Variants in SUCO observed in about 807,000 individuals in gnomAD.
SUCO encodes the protein SUN domain containing ossification factor.
A neutral mutation model predicts 148.1 loss-of-function variants in SUCO; 57 were observed. That is an observed-to-expected ratio of 0.38 (90% CI 0.31 to 0.48). The LOEUF (loss-of-function observed/expected upper bound fraction) is 0.48, where lower values mean the gene tolerates loss of function less well. Ranked by LOEUF, SUCO falls within the 20% of genes least tolerant of loss-of-function variation. The pLI is 0.96. For missense variants in SUCO, 1,331 were observed against 1,468.2 expected (o/e 0.91, Z 1.53); for synonymous variants, 470 against 502.7 (o/e 0.93, Z 0.87).
rs746694763 is a variant in SUCO at position 172,608,765 on chromosome 1, A to G, written c.3284A>G (p.Tyr1095Cys). 1.9e-6 allele frequency: 3 copies of G among 1,583,298 alleles called. No homozygotes were observed. Among genetic ancestry groups the G allele is most frequent in the South Asian group, 2.3e-5 (2 of 87,002 alleles). ...CTTACAGTAGACCCAAATGATTTGTACATTGTAGAACCCCTCAAGTTTTCT... is the reference window on the plus strand; with the variant it reads ...CTTACAGTAGACCCAAATGATTTGTGCATTGTAGAACCCCTCAAGTTTTCT... ...TGKEVDPNDL[Y>C]IVEPLKFSPE... Residue 1095 changes from tyrosine to cysteine, a missense_variant, in exon 23 of 24, where the codon TAC (tyrosine) becomes TGC (cysteine). Tyr to Cys is a radical substitution (Grantham distance 194). Coordinates refer to ENST00000263688, the MANE Select transcript of SUCO (RefSeq NM_014283.5).
At chr1:172,594,318 G>A (rs1182502244) in intron 19 of SUCO, among the ~76,000 whole-genome samples, 1 of 150,918 alleles carries the variant, frequency 6.6e-6, no homozygotes, top group African/African-American at 2.4e-5. Context: ...CTTGCCTTCT[G>A]CTAGCTTTTG....
At chr1:172,565,633 A>G (rs1316472034) in intron 6 of SUCO, among the ~76,000 whole-genome samples, 3 of 152,200 alleles carry the variant, frequency 2.0e-5, no homozygotes, top group Non-Finnish European at 4.4e-5. Flanking sequence ...GAGGTCACAG[A>G]ATGTGACTGT....
At position 172,588,765 on chromosome 1, in the gene SUCO, T is replaced by C. The variant is rs1312744824; in HGVS notation, c.1664T>C (p.Val555Ala). ...VSTPVPSPEY[V>A]TTEVHTHDME... is the part of the protein sequence containing the mutation. The stretch of plus-strand genomic sequence containing the variant: ...TATGATATATGTATTTCTAGGTATG[T>C]AACCACTGAAGTACACACACATGAC... Residue 555 changes from valine (V) to alanine (A), a missense_variant, in exon 18 of 24, where the codon GTA (valine) becomes GCA (alanine). This residue lies in a region of SUCO where 992 missense variants were observed against 1,093.5 expected (regional missense o/e 0.91). Transcript: ENST00000263688. 2 of 1,479,062 alleles carry C rather than the reference T, an allele frequency of 1.4e-6. No individual in the cohort carries two copies. The highest frequency in any genetic ancestry group is 2.3e-5 in the East Asian group (1 of 43,428). The allele number at this position is 1,479,062 out of a possible 1,614,324, so 91.6% of individuals were successfully genotyped here.
chr1:172,569,305 C>T (rs1485750579), intron 7 of SUCO, 163 bp downstream of exon 7: 1 of 748,326 alleles, frequency 1.3e-6, no homozygotes, highest in Non-Finnish European at 1.6e-6. Context: ...CCATCATGTA[C>T]CTGTATATAA....
chr1:172,597,327 A>G lies in SUCO; in HGVS notation c.2914-2737A>G, dbSNP rs1197525330. Among the ~76,000 whole-genome samples the G allele has an allele frequency of 7.2e-5, 11 of 152,320 alleles. No homozygotes were observed. The East Asian group carries it at 1.9e-3, about 27-fold the overall frequency. On this transcript the variant is annotated intron_variant, in intron 19 of 23. Coordinates refer to ENST00000263688, the MANE Select transcript of SUCO (RefSeq NM_014283.5). ...CCCACTGAGATGAACCCAGTACCTC[A>G]GTTGGTAATGCAGAAATCACCCGTC...
At chr1:172,542,209 G>T (rs562235212) in intron 1 of SUCO, among the ~76,000 whole-genome samples, 1 of 151,984 alleles carries the variant, frequency 6.6e-6, no homozygotes, top group African/African-American at 2.4e-5. Context: ...GAGAAACCCC[G>T]TCTCTACTAA....
At position 172,589,212 on chromosome 1, in the gene SUCO, G is replaced by C. The variant is rs1034505019; in HGVS notation, c.2111G>C (p.Ser704Thr). 4 of 1,613,886 alleles carry C rather than the reference G, an allele frequency of 2.5e-6. No homozygotes were observed. Among genetic ancestry groups the C allele is most frequent in the African/African-American group, 1.3e-5 (1 of 74,912 alleles). ...ACTGTTGTTCTGGGTGATTTAAGTAGTAGTATGCACCAGGATGACTTGGTG... is the reference window on the plus strand; with the variant it reads ...ACTGTTGTTCTGGGTGATTTAAGTACTAGTATGCACCAGGATGACTTGGTG... ...AETVVLGDLS[S>T]SMHQDDLVNH... Residue 704 changes from serine to threonine, a missense_variant, in exon 18 of 24, where the codon AGT becomes ACT. Physicochemically the swap from Ser to Thr is moderately conservative, Grantham distance 58 (BLOSUM62 1). Coordinates refer to ENST00000263688, the MANE Select transcript of SUCO (RefSeq NM_014283.5).
intron 4 of SUCO, chr1:172,556,663 T>G (rs1406837562): frequency 1.2e-4 from 119 of 984,754 alleles, no homozygotes; most frequent in Non-Finnish European, 1.4e-4. Flanking sequence ...GTTGAAGGAG[T>G]TGCACAAGAT....
upstream of SUCO, chr1:172,532,628 CAG>C: frequency 6.2e-7 from 1 of 1,614,034 alleles, no homozygotes; most frequent in African/African-American, 1.3e-5. Context: ...AAGAGGAAAA[CAG>C]TGCAACAGTT....
At chr1:172,594,936 A>G (rs1013557605) in intron 19 of SUCO, among the ~76,000 whole-genome samples, 6 of 152,054 alleles carry the variant, frequency 3.9e-5, no homozygotes, top group Non-Finnish European at 7.4e-5. Context: ...GTAGGTCTCT[A>G]AGGACTTGCT....
chr1:172,544,761 T>G (rs954730654), intron 1 of SUCO, among the ~76,000 whole-genome samples: 5 of 152,194 alleles, frequency 3.3e-5, no homozygotes, highest in Non-Finnish European at 7.3e-5. Flanking sequence ...AGTAGAATTT[T>G]AGAGATTTTT....
At chr1:172,547,153 G>A (rs1652923069) in intron 1 of SUCO, among the ~76,000 whole-genome samples, 1 of 152,164 alleles carries the variant, frequency 6.6e-6, no homozygotes, top group African/African-American at 2.4e-5. Context: ...TACAGTATTA[G>A]CTCATGTGTT....
chr1:172,589,623 C>T lies in SUCO; in HGVS notation c.2522C>T (p.Ala841Val). ...ATVPDNEDGEAKMNIADTAKQ... is the reference protein window; with the variant it reads ...ATVPDNEDGEVKMNIADTAKQ... ...GTACCCGACAATGAAGATGGGGAAGCCAAAATGAATATAGCTGACACAGCA... is the reference window on the plus strand; with the variant it reads ...GTACCCGACAATGAAGATGGGGAAGTCAAAATGAATATAGCTGACACAGCA... Residue 841 changes from alanine (A) to valine (V), a missense_variant, in exon 18 of 24, where the codon GCC (alanine) becomes GTC (valine). Physicochemically the swap from Ala to Val is moderately conservative, Grantham distance 64 (BLOSUM62 0). This residue lies in a region of SUCO where 992 missense variants were observed against 1,093.5 expected (regional missense o/e 0.91). Transcript: ENST00000263688. 1.9e-6 allele frequency: 3 copies of T among 1,613,806 alleles called. No individual in the cohort carries two copies. The highest frequency in any genetic ancestry group is 2.5e-6 in the Non-Finnish European group (3 of 1,179,868).
intron 20 of SUCO, among the ~76,000 whole-genome samples, chr1:172,601,860 T>C (rs1249382157): frequency 6.6e-6 from 1 of 152,222 alleles, no homozygotes; most frequent in Non-Finnish European, 1.5e-5. Context: ...TAGGTTTCAC[T>C]CCTATAGAAA....
intron 1 of SUCO, among the ~76,000 whole-genome samples, chr1:172,549,642 A>G (rs946084667): frequency 2.0e-5 from 3 of 151,984 alleles, no homozygotes; most frequent in Non-Finnish European, 4.4e-5. Context: ...TGCTTTCTTA[A>G]TGAAATCTTC....
chr1:172,549,364 C>T (rs892874232), intron 1 of SUCO, among the ~76,000 whole-genome samples: 15 of 151,806 alleles, frequency 9.9e-5, no homozygotes, highest in Admixed American at 9.8e-4. Context: ...AGGCTTGGCT[C>T]ATTTGCATAT....
At chr1:172,586,467 A>G (rs973908238) in intron 17 of SUCO, among the ~76,000 whole-genome samples, 4 of 152,186 alleles carry the variant, frequency 2.6e-5, no homozygotes, top group African/African-American at 9.7e-5. Context: ...GCAGGGATGT[A>G]TCTAAATAGG....
At chr1:172,567,145 A>G (rs1387269358) in intron 6 of SUCO, among the ~76,000 whole-genome samples, 3 of 152,240 alleles carry the variant, frequency 2.0e-5, no homozygotes, top group African/African-American at 7.2e-5. Flanking sequence ...AAGAAGAAAT[A>G]GTCCCAGAAG....
intron 13 of SUCO, among the ~76,000 whole-genome samples, chr1:172,578,030 T>C (rs1412826022): frequency 6.6e-6 from 1 of 151,854 alleles, no homozygotes; most frequent in Non-Finnish European, 1.5e-5. Context: ...TTGTTTTAAC[T>C]TGCTTGCTAT....
Sources: gnomAD v4.1 joint callset for allele counts (sites outside exome capture counted in the v4.1 genomes callset) on GRCh38, gnomAD v4.1.1 for gene constraint, gnomAD v4.1.1 regional missense constraint, MANE v1.5 for transcripts, NCBI Gene and HGNC (gene_info 2026-07-23, HGNC 2026-07-21) for gene names.